The following SLC44A5 variants were observed in gnomAD, a reference collection of about 807,000 sequenced individuals.
SLC44A5 encodes solute carrier family 44 member 5.
SLC44A5 carries 57 observed loss-of-function variants against 101.8 expected under a neutral mutation model. That is an observed-to-expected ratio of 0.56 (90% CI 0.45 to 0.70). The LOEUF is 0.70. Ranked by LOEUF, SLC44A5 falls within the 30% of genes least tolerant of loss-of-function variation. The pLI, the probability that SLC44A5 is intolerant of heterozygous loss-of-function variation, is 0.00. For synonymous variants in SLC44A5, 281 were observed against 290.9 expected, an observed-to-expected ratio of 0.97 and a Z score of 0.35; for missense variants, 737 against 853.1, an observed-to-expected ratio of 0.86 and a Z score of 1.70.
At chr1:75,272,758 T>C (rs765086305) in intron 6 of SLC44A5, among the ~76,000 whole-genome samples, 1 of 152,174 alleles carries the variant, frequency 6.6e-6, no homozygotes, top group Non-Finnish European at 1.5e-5. Context: ...GTGCCTATTT[T>C]TATATCAGTA....
At chr1:75,516,288 G>A (rs901200822) in intron 2 of SLC44A5, among the ~76,000 whole-genome samples, 1 of 152,158 alleles carries the variant, frequency 6.6e-6, no homozygotes. Context: ...GCCCAGGCGG[G>A]TGGATCACGA....
At chr1:75,651,613 C>T in the SLC44A5 span, among the ~76,000 whole-genome samples, 1 of 145,246 alleles carries the variant, frequency 6.9e-6, no homozygotes, top group South Asian at 2.2e-4. Context: ...AGGAGAATGG[C>T]GTGAACCCGG....
At chr1:75,286,797 C>G (rs1244634094) in intron 5 of SLC44A5, among the ~76,000 whole-genome samples, 1 of 152,094 alleles carries the variant, frequency 6.6e-6, no homozygotes, top group African/African-American at 2.4e-5. Context: ...TTCTAGCTTG[C>G]AGGGTTTCTG....
At chr1:75,303,159 A>G (rs1014662108) in intron 4 of SLC44A5, among the ~76,000 whole-genome samples, 2 of 152,216 alleles carry the variant, frequency 1.3e-5, no homozygotes, top group Non-Finnish European at 2.9e-5. Context: ...AGGAAGATCA[A>G]TGAAAGAAAC....
chr1:75,664,688 G>A, the SLC44A5 span, among the ~76,000 whole-genome samples: 6 of 152,098 alleles, frequency 3.9e-5, no homozygotes, highest in Non-Finnish European at 7.4e-5. Flanking sequence ...TTGGGAGGCC[G>A]AGGCAAGTGG....
Position 75,203,548 on chromosome 1 carries a change from C to A in SLC44A5, c.*179G>T, listed in dbSNP as rs1265889944. The A allele has an allele frequency of 1.0e-5, 5 of 499,606 alleles. No individual in the cohort carries two copies. Among genetic ancestry groups the A allele is most frequent in the Non-Finnish European group, 1.6e-5 (5 of 310,746 alleles). The allele number at this position is 499,606 out of a possible 1,614,324, so 30.9% of individuals were successfully genotyped here. ...TTTTATGTTATTAACAATTCCCTTGCGACTTCTGATGGCTTCACATAGTAC... is the reference window on the plus strand; with the variant it reads ...TTTTATGTTATTAACAATTCCCTTGAGACTTCTGATGGCTTCACATAGTAC... On this transcript the variant is annotated 3_prime_UTR_variant, in exon 24 of 24. Coordinates refer to ENST00000370859, the MANE Select transcript of SLC44A5 (RefSeq NM_001130058.2).
At chr1:75,641,691 C>G in the SLC44A5 span, 1 of 1,538,422 alleles carries the variant, frequency 6.5e-7, no homozygotes, top group Admixed American at 1.7e-5. Flanking sequence ...TCTCTCCAAT[C>G]TTGTATGAGA....
intron 6 of SLC44A5, among the ~76,000 whole-genome samples, chr1:75,270,680 A>G: frequency 6.6e-6 from 1 of 152,106 alleles, no homozygotes; most frequent in East Asian, 1.9e-4. Flanking sequence ...ACATATATAC[A>G]TGATTTTCAG....
the SLC44A5 span, among the ~76,000 whole-genome samples, chr1:75,659,490 A>AAGGCAGGC: frequency 9.5e-5 from 4 of 42,298 alleles, no homozygotes; most frequent in African/African-American, 2.1e-4. Flanking sequence ...GGAAGGAAGG[A>AAGGCAGGC]AGGCAGGCAG....
chr1:75,652,040 AG>A, the SLC44A5 span, among the ~76,000 whole-genome samples: 1 of 152,158 alleles, frequency 6.6e-6, no homozygotes, highest in African/African-American at 2.4e-5. Context: ...GCTTATTAAG[AG>A]GCAAAATGGT....
chr1:75,699,062 A>T, the SLC44A5 span, among the ~76,000 whole-genome samples: 34 of 152,194 alleles, frequency 2.2e-4, no homozygotes, highest in African/African-American at 8.0e-4. Flanking sequence ...GAATGGAACC[A>T]AGTTGGAAAA....
intron 2 of SLC44A5, among the ~76,000 whole-genome samples, chr1:75,442,682 C>T (rs1257883302): frequency 6.6e-6 from 1 of 152,152 alleles, no homozygotes; most frequent in Non-Finnish European, 1.5e-5. Flanking sequence ...ATTTGTCCTT[C>T]TTGTATTCAG....
At chr1:75,438,295 G>C (rs79689348) in intron 2 of SLC44A5, among the ~76,000 whole-genome samples, 1,884 of 152,162 alleles carry the variant, frequency 0.012, 15 homozygotes, top group Non-Finnish European at 0.018. Context: ...TGATTGGAGT[G>C]GTTTTCAGAC....
chr1:75,327,808 T>A (rs995741255), intron 4 of SLC44A5, among the ~76,000 whole-genome samples: 1 of 152,226 alleles, frequency 6.6e-6, no homozygotes, highest in Non-Finnish European at 1.5e-5. Flanking sequence ...AAATCCTGCA[T>A]AGTCATTACA....
the SLC44A5 span, among the ~76,000 whole-genome samples, chr1:75,671,004 T>G: frequency 6.6e-6 from 1 of 152,146 alleles, no homozygotes; most frequent in African/African-American, 2.4e-5. Flanking sequence ...GCACGTAACA[T>G]AGGGAAGCAC....
At position 75,358,779 on chromosome 1, in the gene SLC44A5, G is replaced by A. The variant is rs896492865; in HGVS notation, c.53-19149C>T. Among the ~76,000 whole-genome samples the A allele has an allele frequency of 3.3e-5, 5 of 152,268 alleles. No individual in the cohort carries two copies. In the East Asian group the frequency reaches 9.6e-4, roughly 29 times the overall value. ...GATATGATGTGATGGTTCAATACAT[G>A]TATACAATGTAGAATGATTCAATCA... is the stretch of plus-strand genomic sequence containing the variant. On this transcript the variant is annotated intron_variant, in intron 3 of 23. Coordinates refer to ENST00000370859, the MANE Select transcript of SLC44A5 (RefSeq NM_001130058.2).
At chr1:75,472,380 T>C (rs1305776531) in intron 2 of SLC44A5, among the ~76,000 whole-genome samples, 1 of 152,148 alleles carries the variant, frequency 6.6e-6, no homozygotes, top group Non-Finnish European at 1.5e-5. Context: ...GTTAATAACA[T>C]CTTTGAGGGT....
At chr1:75,702,552 A>T in the SLC44A5 span, among the ~76,000 whole-genome samples, 2,498 of 152,310 alleles carry the variant, frequency 0.016, 74 homozygotes, top group African/African-American at 0.057. Flanking sequence ...AAACCATAAA[A>T]ACCCTAGAAG....
At chr1:75,642,151 T>C in the SLC44A5 span, 6 of 786,644 alleles carry the variant, frequency 7.6e-6, no homozygotes, top group Admixed American at 8.4e-5. Context: ...TGTAAATAAA[T>C]AGCATCAGAA....
Sources: allele counts gnomAD v4.1 joint callset (sites outside exome capture counted in the v4.1 genomes callset), GRCh38; gene constraint gnomAD v4.1.1; transcripts MANE v1.5; gene names NCBI Gene and HGNC (gene_info 2026-07-23, HGNC 2026-07-21).